The following FHIT variants were observed in gnomAD, a reference collection of about 807,000 sequenced individuals.
FHIT encodes the protein bis(5'-adenosyl)-triphosphatase.
Under a neutral mutation model 17.9 loss-of-function variants are expected in FHIT, and 19 were observed. That is an observed-to-expected ratio of 1.06 (90% confidence interval 0.74 to 1.56). FHIT has a LOEUF of 1.56. FHIT is among the 40% of genes most tolerant of loss of function. The pLI is 0.00. For missense variants in FHIT, 248 were observed against 189.2 expected (o/e 1.31, Z -1.82); for synonymous variants, 81 against 69.7 (o/e 1.16, Z -0.81).
intron 5 of FHIT, among the ~76,000 whole-genome samples, chr3:60,531,331 T>G (rs1406691696): frequency 2.9e-5 from 4 of 139,810 alleles, no homozygotes; most frequent in Non-Finnish European, 6.0e-5. Context: ...CAGGCTGGAG[T>G]GCAGTGGTGC....
intron 4 of FHIT, among the ~76,000 whole-genome samples, chr3:60,573,845 T>C (rs1228223425): frequency 2.6e-5 from 4 of 152,114 alleles, no homozygotes; most frequent in Non-Finnish European, 5.9e-5. Context: ...AGTCTTGCTC[T>C]GTCACCCAGG....
intron 4 of FHIT, among the ~76,000 whole-genome samples, chr3:60,591,657 T>C (rs753470940): frequency 1.3e-5 from 2 of 152,050 alleles, no homozygotes; most frequent in Non-Finnish European, 2.9e-5. Flanking sequence ...AGCTCTTCCA[T>C]ATGTTACACT....
intron 5 of FHIT, among the ~76,000 whole-genome samples, chr3:60,174,338 A>G (rs1348144297): frequency 3.3e-5 from 5 of 152,074 alleles, no homozygotes; most frequent in Non-Finnish European, 5.9e-5. Context: ...CTTTCCAGGT[A>G]TCATTTTTCC....
At chr3:61,113,145 A>G (rs2036208405) in intron 2 of FHIT, among the ~76,000 whole-genome samples, 1 of 152,022 alleles carries the variant, frequency 6.6e-6, no homozygotes, top group South Asian at 2.1e-4. Flanking sequence ...CTGGGACTAC[A>G]GGCGTGCACC....
intron 5 of FHIT, among the ~76,000 whole-genome samples, chr3:60,177,983 T>C (rs1173285794): frequency 6.6e-6 from 1 of 152,208 alleles, no homozygotes; most frequent in African/African-American, 2.4e-5. Context: ...TGTGACTCAA[T>C]GCTGAGAGTC....
intron 5 of FHIT, among the ~76,000 whole-genome samples, chr3:60,533,697 G>T (rs184635126): frequency 3.0e-4 from 45 of 152,248 alleles, no homozygotes; most frequent in Admixed American, 1.8e-3. Context: ...TGAGGGGCAG[G>T]AGAAAGTATA....
rs781592153 is a variant in FHIT, at chr3:59,922,339, G to C, written c.348+7C>G. The C allele has an allele frequency of 2.5e-6, 4 of 1,611,552 alleles. No homozygotes were observed. Among genetic ancestry groups the C allele is most frequent in the Non-Finnish European group, 2.5e-6 (3 of 1,177,802 alleles). On this transcript the variant is annotated splice_region_variant and intron_variant, in intron 8 of 9. Coordinates refer to ENST00000492590, the MANE Select transcript of FHIT (RefSeq NM_002012.4). The stretch of plus-strand genomic sequence containing the variant: ...TCAAACAATAAGATCAGAGAGAACA[G>C]ACCCACCTCCTCATAGATGCTGTCA...
chr3:60,635,969 G>C lies in FHIT; in HGVS notation c.-17-98990C>G, dbSNP rs75354670. On this transcript the variant is annotated intron_variant, in intron 4 of 9. Coordinates refer to ENST00000492590, the MANE Select transcript of FHIT (RefSeq NM_002012.4). ...CCACAGCTGAATTTGGTCTTAGTTTGTCAACCCCTGCTCAGGAGAATAGGA... is the reference window on the plus strand; with the variant it reads ...CCACAGCTGAATTTGGTCTTAGTTTCTCAACCCCTGCTCAGGAGAATAGGA... 4.4e-3 allele frequency among the ~76,000 whole-genome samples: 670 copies of C among 152,224 alleles called. 4 individuals carry two copies. The highest frequency in any genetic ancestry group is 0.016 in the African/African-American group (649 of 41,552).
chr3:61,063,261 A>G (rs573385608), intron 2 of FHIT, among the ~76,000 whole-genome samples: 1 of 151,432 alleles, frequency 6.6e-6, no homozygotes, highest in African/African-American at 2.4e-5. Flanking sequence ...GTCTCAAAAA[A>G]AAAAAAGATT....
intron 5 of FHIT, among the ~76,000 whole-genome samples, chr3:60,139,016 C>T (rs377301140): frequency 4.6e-5 from 7 of 152,130 alleles, no homozygotes; most frequent in African/African-American, 1.7e-4. Flanking sequence ...TGCCCAAAAG[C>T]CCGATGTCTC....
chr3:60,570,947 A>C (rs571406247), intron 4 of FHIT, among the ~76,000 whole-genome samples: 1 of 152,048 alleles, frequency 6.6e-6, no homozygotes, highest in African/African-American at 2.4e-5. Flanking sequence ...CTGCAATTTT[A>C]CTCTATAAGG....
At chr3:60,186,021 G>T (rs756616188) in intron 5 of FHIT, among the ~76,000 whole-genome samples, 2 of 152,138 alleles carry the variant, frequency 1.3e-5, no homozygotes, top group Non-Finnish European at 2.9e-5. Flanking sequence ...CTGTTGAGTT[G>T]TAAGGGTTCT....
At chr3:60,048,448 T>C (rs1204054412) in intron 5 of FHIT, among the ~76,000 whole-genome samples, 1 of 152,192 alleles carries the variant, frequency 6.6e-6, no homozygotes, top group African/African-American at 2.4e-5. Context: ...AGTGCTGGGA[T>C]TACAGGCGTG....
intron 3 of FHIT, among the ~76,000 whole-genome samples, chr3:60,874,978 C>A (rs1399885910): frequency 6.6e-6 from 1 of 152,044 alleles, no homozygotes; most frequent in Non-Finnish European, 1.5e-5. Context: ...CATTGTGAGT[C>A]TATGAGAGAG....
chr3:60,088,421 G>A (rs907925712), intron 5 of FHIT, among the ~76,000 whole-genome samples: 3 of 152,072 alleles, frequency 2.0e-5, no homozygotes, highest in African/African-American at 7.2e-5. Flanking sequence ...CTAGTTGCAC[G>A]GCCATGCTGC....
intron 5 of FHIT, among the ~76,000 whole-genome samples, chr3:60,254,799 G>C (rs1211414555): frequency 1.3e-5 from 2 of 152,124 alleles, no homozygotes; most frequent in African/African-American, 4.8e-5. Context: ...GTGGAAATAG[G>C]AATCTAAATT....
chr3:60,989,896 G>A (rs1183157131), intron 3 of FHIT, among the ~76,000 whole-genome samples: 1 of 152,198 alleles, frequency 6.6e-6, no homozygotes, highest in Non-Finnish European at 1.5e-5. Flanking sequence ...GTGGAAGGAA[G>A]AGATGAATGT....
At chr3:61,050,964 T>C (rs543620909) in intron 2 of FHIT, among the ~76,000 whole-genome samples, 1 of 152,344 alleles carries the variant, frequency 6.6e-6, no homozygotes, top group African/African-American at 2.4e-5. Flanking sequence ...TTCCGAGCCA[T>C]AGACACCTAT....
chr3:60,494,092 G>A (rs1357586690), intron 5 of FHIT, among the ~76,000 whole-genome samples: 1 of 152,120 alleles, frequency 6.6e-6, no homozygotes, highest in Non-Finnish European at 1.5e-5. Context: ...ATTTTAAAGT[G>A]TAAAATTCAG....
Sources: allele counts gnomAD v4.1 joint callset (sites outside exome capture counted in the v4.1 genomes callset), GRCh38; gene constraint gnomAD v4.1.1; transcripts MANE v1.5; gene names NCBI Gene and HGNC (gene_info 2026-07-23, HGNC 2026-07-21).